Variants in FHOD3 observed in about 807,000 individuals in gnomAD.
The protein encoded by FHOD3 is FH1/FH2 domain-containing protein 3.
In FHOD3, 90 loss-of-function variants were observed where a neutral mutation model predicts 173.0. The observed-to-expected ratio is 0.52, with a 90% CI of 0.44 to 0.62. FHOD3 has a LOEUF of 0.62. Ranked by LOEUF, FHOD3 falls within the 20% of genes least tolerant of loss-of-function variation. The pLI is 0.00. For missense variants in FHOD3, 1,945 were observed against 2,034.7 expected, an observed-to-expected ratio of 0.96 and a Z score of 0.85; for synonymous variants, 828 against 823.0, an observed-to-expected ratio of 1.01 and a Z score of -0.10.
Position 36,649,424 on chromosome 18 carries a change from TCCCAAGC to T in FHOD3, c.1286+20_1286+26del. On this transcript the variant is annotated intron_variant, in intron 11 of 28. Transcript: ENST00000590592. ...AGGACAGGTACCTAGGACTGGAGCC[TCCCAAGC>T]TCACACTAAAAGTGGGAGACTCCTT... The T allele has an allele frequency of 1.3e-6, 2 of 1,524,200 alleles. No homozygotes were observed. Among genetic ancestry groups the T allele is most frequent in the Non-Finnish European group, 1.8e-6 (2 of 1,137,530 alleles). The allele number at this position is 1,524,200 out of a possible 1,614,324, so 94.4% of individuals were successfully genotyped here. A position where few individuals can be genotyped will look rare whatever the true frequency, so the allele number is the denominator to read the frequency against.
chr18:36,443,103 G>A (rs933660587), intron 3 of FHOD3, among the ~76,000 whole-genome samples: 5 of 152,092 alleles, frequency 3.3e-5, no homozygotes, highest in Non-Finnish European at 7.4e-5. Context: ...TCTCATTACC[G>A]CTGATGATAA....
chr18:36,407,799 G>C (rs2049143426), intron 3 of FHOD3, among the ~76,000 whole-genome samples: 1 of 152,208 alleles, frequency 6.6e-6, no homozygotes, highest in Non-Finnish European at 1.5e-5. Context: ...TTGGGACTTT[G>C]AATATCCTAC....
chr18:36,777,435 C>T (rs1016845683), intron 28 of FHOD3, among the ~76,000 whole-genome samples: 2 of 152,038 alleles, frequency 1.3e-5, no homozygotes, highest in Non-Finnish European at 1.5e-5. Context: ...TCAAGTGATC[C>T]ACCTGCCTCA....
Position 36,760,748 on chromosome 18 carries a change from G to C in FHOD3, c.4590G>C (p.Ala1530=). 2 of 1,612,244 alleles carry C rather than the reference G, an allele frequency of 1.2e-6. No individual in the cohort carries two copies. Among genetic ancestry groups the C allele is most frequent in the Non-Finnish European group, 1.7e-6 (2 of 1,179,740 alleles). ...CCTCCGTGGAGGACGCCACCCCCGC[G>C]CTGGGCGTCCGCACACGCAGCCGAG... ...SSPSVEDATP[A]LGVRTRSRAS... Residue 1530 remains alanine (A), a synonymous_variant, in exon 27 of 29, where the codon GCG becomes GCC. Transcript: ENST00000590592.
chr18:36,609,774 T>A lies in FHOD3; in HGVS notation c.814-2178T>A, dbSNP rs1471225664. Reference sequence around the variant, plus strand: ...ACAAGCATGTGCCACCACATCCTGCTAAATTTGTGTATTTTTAGTAGAGAC... The same window carrying A: ...ACAAGCATGTGCCACCACATCCTGCAAAATTTGTGTATTTTTAGTAGAGAC... On this transcript the variant is annotated intron_variant, in intron 8 of 28. Coordinates refer to ENST00000590592, the MANE Select transcript of FHOD3 (RefSeq NM_001281740.3). Among the ~76,000 whole-genome samples the A allele has an allele frequency of 2.0e-5, 3 of 152,080 alleles. No individual in the cohort carries two copies. The East Asian group carries it at 5.8e-4, about 29-fold the overall frequency.
intron 11 of FHOD3, among the ~76,000 whole-genome samples, chr18:36,650,036 T>C (rs1380734378): frequency 6.6e-6 from 1 of 152,168 alleles, no homozygotes; most frequent in Admixed American, 6.6e-5. Context: ...CTGACAGACA[T>C]GGGCACCTTG....
At chr18:36,574,908 T>A (rs1013159685) in intron 5 of FHOD3, among the ~76,000 whole-genome samples, 1 of 152,094 alleles carries the variant, frequency 6.6e-6, no homozygotes, top group African/African-American at 2.4e-5. Flanking sequence ...ATTTTTTGAG[T>A]TATTACATAT....
At chr18:36,642,217 A>G (rs1320757510) in intron 10 of FHOD3, among the ~76,000 whole-genome samples, 1 of 152,218 alleles carries the variant, frequency 6.6e-6, no homozygotes, top group Non-Finnish European at 1.5e-5. Context: ...GTGAAGAAAT[A>G]TGTACAACAA....
intron 6 of FHOD3, among the ~76,000 whole-genome samples, chr18:36,587,453 C>T (rs771665698): frequency 3.9e-5 from 6 of 152,102 alleles, no homozygotes; most frequent in African/African-American, 7.2e-5. Context: ...AGGCGATTTC[C>T]GGGGTAACAC....
At chr18:36,432,371 GCTTT>G (rs1704560920) in intron 3 of FHOD3, among the ~76,000 whole-genome samples, 1 of 152,182 alleles carries the variant, frequency 6.6e-6, no homozygotes, top group East Asian at 1.9e-4. Flanking sequence ...GTGAGATGCA[GCTTT>G]CTGTTTCCTT....
intron 6 of FHOD3, among the ~76,000 whole-genome samples, chr18:36,590,364 G>T (rs1162368750): frequency 1.3e-5 from 2 of 151,716 alleles, no homozygotes; most frequent in Non-Finnish European, 2.9e-5. Flanking sequence ...GTGATTTCTG[G>T]ATTAATGAGG....
At chr18:36,738,467 TTTATTA>T (rs1479115150) in intron 20 of FHOD3, among the ~76,000 whole-genome samples, 1 of 152,234 alleles carries the variant, frequency 6.6e-6, no homozygotes, top group Non-Finnish European at 1.5e-5. Context: ...TAAAGTTTGG[TTTATTA>T]TCTTATTCTT....
chr18:36,436,989 C>G (rs2050841664), intron 3 of FHOD3, among the ~76,000 whole-genome samples: 3 of 152,332 alleles, frequency 2.0e-5, no homozygotes, highest in East Asian at 3.9e-4. Context: ...CTGCAAGTAG[C>G]TTGGTTTATC....
At position 36,709,264 on chromosome 18, in the gene FHOD3, T is replaced by C. The variant is rs1426844489; in HGVS notation, c.2406T>C (p.Ser802=). 6.2e-7 allele frequency: 1 copy of C among 1,613,752 alleles called. No individual in the cohort carries two copies. Among genetic ancestry groups the C allele is most frequent in the Non-Finnish European group, 8.5e-7 (1 of 1,179,988 alleles). The change falls in exon 18 of 29, where the codon AGT becomes AGC. Residue 802 remains serine (S), a synonymous_variant. Transcript: ENST00000590592. ...EQEPEERASL[S]EKERQNEGVN... is the part of the protein sequence containing the mutation. ...AGCCGGAAGAAAGAGCCTCCCTCAG[T>C]GAAAAAGAGAGGCAGAACGAGGGGG...
chr18:36,700,421 G>A (rs2039516040), intron 17 of FHOD3, among the ~76,000 whole-genome samples: 1 of 152,160 alleles, frequency 6.6e-6, no homozygotes, highest in South Asian at 2.1e-4. Context: ...ACCTGGTTAA[G>A]GCTATCTCTC....
chr18:36,320,092 C>T (rs955281087), intron 1 of FHOD3, among the ~76,000 whole-genome samples: 1 of 152,000 alleles, frequency 6.6e-6, no homozygotes, highest in Non-Finnish European at 1.5e-5. Flanking sequence ...CAAGAGCAAA[C>T]AAATTCAAAA....
At chr18:36,344,557 T>A (rs1265037701) in intron 1 of FHOD3, among the ~76,000 whole-genome samples, 1 of 152,030 alleles carries the variant, frequency 6.6e-6, no homozygotes, top group Admixed American at 6.6e-5. Flanking sequence ...AATAAAAGAA[T>A]GTGTACCTGG....
intron 5 of FHOD3, among the ~76,000 whole-genome samples, chr18:36,518,448 G>C (rs960913246): frequency 2.6e-5 from 4 of 152,304 alleles, no homozygotes; most frequent in African/African-American, 9.6e-5. Flanking sequence ...TTCAGCTCCA[G>C]GTGGGTTGAG....
At chr18:36,681,681 G>A (rs1370386818) in intron 15 of FHOD3, 111 bp downstream of exon 15, 4 of 1,304,486 alleles carry the variant, frequency 3.1e-6, no homozygotes, top group South Asian at 1.6e-5. Flanking sequence ...TGAAAATTCT[G>A]TCTGTATTTT....
Sources: allele counts gnomAD v4.1 joint callset (sites outside exome capture counted in the v4.1 genomes callset), GRCh38; gene constraint gnomAD v4.1.1; transcripts MANE v1.5; gene names NCBI Gene and HGNC (gene_info 2026-07-23, HGNC 2026-07-21).